PAK3: variants seen among roughly 807,000 people sequenced by gnomAD.
PAK3 encodes p21 (RAC1) activated kinase 3.
A neutral mutation model predicts 41.0 loss-of-function variants in PAK3; 4 were observed. The observed-to-expected ratio is 0.10, with a 90% CI of 0.05 to 0.22. The LOEUF is 0.22. PAK3 is among the 10% of genes least tolerant of loss of function. The pLI is 1.00. For synonymous variants in PAK3, 146 were observed against 139.6 expected (o/e 1.05, Z -0.32); for missense variants, 205 against 409.9 (o/e 0.50, Z 4.32).
In PAK3 at chrX:111,216,526, G is replaced by A; in HGVS notation, c.1513G>A (p.Asp505Asn). ...FLNRCLEMDV[D>N]RRGSAKELLQ... ...AAATCGCTGTCTTGAGATGGATGTG[G>A]ATAGGCGAGGATCTGCCAAGGAGCT... Residue 505 changes from aspartate (D) to asparagine (N), a missense_variant, in exon 17 of 18, where the codon GAT becomes AAT. This residue lies in a region of PAK3 where 40 missense variants were observed against 54.4 expected (regional missense o/e 0.74). Coordinates refer to ENST00000372007, the MANE Select transcript of PAK3 (RefSeq NM_002578.5). 1.7e-6 allele frequency: 2 copies of A among 1,200,343 alleles called. No individual in the cohort carries two copies. Among genetic ancestry groups the A allele is most frequent in the Non-Finnish European group, 2.3e-6 (2 of 885,193 alleles).
intron 1 of PAK3, among the ~76,000 whole-genome samples, chrX:110,977,241 G>GAT (rs1018905170): frequency 2.7e-5 from 3 of 109,380 alleles, no homozygotes; most frequent in African/African-American, 9.9e-5. Flanking sequence ...ATATGTATAA[G>GAT]ATATATATAT....
At chrX:111,049,477 A>G (rs770853689) in intron 1 of PAK3, among the ~76,000 whole-genome samples, 3 of 112,123 alleles carry the variant, frequency 2.7e-5, no homozygotes, top group South Asian at 3.7e-4. Context: ...TGTGGCATAA[A>G]TTAATTAGCA....
intron 1 of PAK3, among the ~76,000 whole-genome samples, chrX:111,021,785 G>A (rs1336447314): frequency 1.8e-5 from 2 of 109,871 alleles, no homozygotes; most frequent in Non-Finnish European, 3.8e-5. Flanking sequence ...CATGATATAG[G>A]ATATGAACGG....
chrX:110,976,722 A>G (rs1027274477), intron 1 of PAK3, among the ~76,000 whole-genome samples: 3 of 112,135 alleles, frequency 2.7e-5, no homozygotes, highest in East Asian at 2.8e-4. Flanking sequence ...ATGTCCATCA[A>G]TGATAGGCTG....
intron 16 of PAK3, among the ~76,000 whole-genome samples, chrX:111,205,132 A>C (rs1331646133): frequency 9.2e-6 from 1 of 108,453 alleles, no homozygotes; most frequent in African/African-American, 3.4e-5. Context: ...ACATTTCCTT[A>C]TTGCTTCAAA....
chrX:111,076,938 C>CA (rs201122075), intron 1 of PAK3, among the ~76,000 whole-genome samples: 1,131 of 109,959 alleles, frequency 0.01, 10 homozygotes, highest in Non-Finnish European at 0.017. Context: ...GAAACTCCAC[C>CA]AAAAAAAACT....
intron 10 of PAK3, among the ~76,000 whole-genome samples, chrX:111,164,470 G>C (rs1354763331): frequency 9.0e-6 from 1 of 110,860 alleles, no homozygotes; most frequent in Non-Finnish European, 1.9e-5. Context: ...CTCAAAAGTT[G>C]CCTCCTCAGA....
intron 10 of PAK3, among the ~76,000 whole-genome samples, chrX:111,168,644 GT>G (rs966076442): frequency 1.7e-4 from 19 of 110,849 alleles, no homozygotes; most frequent in African/African-American, 3.9e-4. Context: ...TTTATTTCCA[GT>G]TTTTTTTCCC....
chrX:110,999,390 A>G (rs748525926), intron 1 of PAK3, among the ~76,000 whole-genome samples: 11 of 111,858 alleles, frequency 9.8e-5, no homozygotes, highest in Non-Finnish European at 2.1e-4. Flanking sequence ...GGGCTCTTGC[A>G]TGGTGCCTAT....
chrX:111,165,975 T>A (rs1407986753), intron 10 of PAK3, among the ~76,000 whole-genome samples: 1 of 110,186 alleles, frequency 9.1e-6, no homozygotes, highest in Non-Finnish European at 1.9e-5. Context: ...TCAGTGGGGT[T>A]TTTTTTTTCT....
chrX:111,015,456 A>G (rs1290415440), intron 1 of PAK3, among the ~76,000 whole-genome samples: 1 of 111,356 alleles, frequency 9.0e-6, no homozygotes, highest in Non-Finnish European at 1.9e-5. Flanking sequence ...TCTTTTGAAT[A>G]TATACCCAGA....
intron 17 of PAK3, among the ~76,000 whole-genome samples, chrX:111,218,860 G>T (rs2094903633): frequency 9.0e-6 from 1 of 110,571 alleles, no homozygotes; most frequent in Admixed American, 9.7e-5. Context: ...TATAATTTGG[G>T]ATTAAGATGA....
intron 1 of PAK3, among the ~76,000 whole-genome samples, chrX:111,037,888 G>A (rs182919203): frequency 9.0e-6 from 1 of 111,323 alleles, no homozygotes; most frequent in African/African-American, 3.3e-5. Flanking sequence ...GGCTCATAAG[G>A]TTCCCCAGGT....
At chrX:111,135,516 C>A (rs1222085127) in intron 5 of PAK3, among the ~76,000 whole-genome samples, 2 of 110,111 alleles carry the variant, frequency 1.8e-5, no homozygotes, top group Admixed American at 9.7e-5. Context: ...ATGAGATGAC[C>A]CAAGGGAGAA....
chrX:110,977,405 T>G (rs1208039521), intron 1 of PAK3, among the ~76,000 whole-genome samples: 1 of 110,722 alleles, frequency 9.0e-6, no homozygotes, highest in Non-Finnish European at 1.9e-5. Context: ...TTGTAAAAAT[T>G]TTAGGATCAT....
intron 17 of PAK3, among the ~76,000 whole-genome samples, chrX:111,219,460 G>C (rs1230226292): frequency 9.0e-6 from 1 of 110,567 alleles, no homozygotes; most frequent in Non-Finnish European, 1.9e-5. Context: ...TTAATAAACA[G>C]AGATGAGGAT....
intron 1 of PAK3, among the ~76,000 whole-genome samples, chrX:111,011,822 T>C (rs1460098944): frequency 8.9e-6 from 1 of 112,431 alleles, no homozygotes; most frequent in African/African-American, 3.2e-5. Context: ...TTGTGAGATA[T>C]ATGTTTCTCT....
intron 1 of PAK3, among the ~76,000 whole-genome samples, chrX:111,001,071 T>A (rs966083092): frequency 4.5e-5 from 5 of 111,422 alleles, no homozygotes; most frequent in African/African-American, 1.6e-4. Flanking sequence ...AATGCAAAGG[T>A]GCTGAGGGCA....
At chrX:110,975,919 G>A (rs920778948) in intron 1 of PAK3, among the ~76,000 whole-genome samples, 1 of 112,008 alleles carries the variant, frequency 8.9e-6, no homozygotes, top group Non-Finnish European at 1.9e-5. Flanking sequence ...GTAGAAAGCT[G>A]AAACTGGATC....
Sources: allele counts gnomAD v4.1 joint callset (sites outside exome capture counted in the v4.1 genomes callset), GRCh38; gene constraint gnomAD v4.1.1; regional missense constraint gnomAD v4.1.1; transcripts MANE v1.5; gene names NCBI Gene and HGNC (gene_info 2026-07-23, HGNC 2026-07-21).